The following POLD1 variants were observed in gnomAD, a reference collection of about 807,000 sequenced individuals.
POLD1 encodes the protein DNA polymerase delta 1, catalytic subunit, also known as DNA polymerase delta catalytic subunit.
POLD1 carries 79 observed loss-of-function variants against 129.7 expected under a neutral mutation model. The ratio of observed to expected loss-of-function variants is 0.61; its 90% CI spans 0.51 to 0.73. POLD1 has a LOEUF of 0.73. Among genes scored for constraint, POLD1 ranks in the 30% least tolerant of loss-of-function variants. The pLI, the probability that POLD1 is intolerant of heterozygous loss-of-function variation, is 0.00. For missense variants in POLD1, 1,338 were observed against 1,595.8 expected, an observed-to-expected ratio of 0.84 and a Z score of 2.75; for synonymous variants, 714 against 683.3, an observed-to-expected ratio of 1.04 and a Z score of -0.70.
Position 50,416,594 on chromosome 19 carries a change from GCCT to G in POLD1, c.2954-11_2954-9del, listed in dbSNP as rs1064796089. Reference sequence around the variant, plus strand: ...AGAGGAGATCACCGGCCCACCACCTGCCTCCTCTCCTGCAGGGGGGGACCACAC... The same window carrying G: ...AGAGGAGATCACCGGCCCACCACCTGCCTCTCCTGCAGGGGGGGACCACAC... On this transcript the variant is annotated splice_polypyrimidine_tract_variant and intron_variant, in intron 23 of 26. Coordinates refer to ENST00000440232, the MANE Select transcript of POLD1 (RefSeq NM_002691.4). 6.4e-7 allele frequency: 1 copy of G among 1,551,804 alleles called. No homozygotes were observed. The highest frequency in any genetic ancestry group is 1.4e-5 in the African/African-American group (1 of 73,410).
intron 1 of POLD1, among the ~76,000 whole-genome samples, chr19:50,388,825 C>A (rs1013813729): frequency 1.1e-5 from 1 of 88,896 alleles, no homozygotes; most frequent in Non-Finnish European, 2.0e-5. Context: ...GCAGTTAACT[C>A]TTTTTTTTTT....
intron 14 of POLD1, 79 bp from the exon 15 acceptor site, chr19:50,408,702 TAAAG>T: frequency 6.5e-7 from 1 of 1,543,110 alleles, no homozygotes; most frequent in Admixed American, 2.0e-5. Context: ...TTTTTTTTTT[TAAAG>T]GGTGAGGCCA....
rs1003751940 is a variant in POLD1, at chr19:50,406,143, G to C, written c.1243-39G>C. ...CCGTTCTTCAGGCTTATGTGACGGG[G>C]ACCCGCAGCCTGCTGCACACCCTGC... On this transcript the variant is annotated intron_variant, in intron 10 of 26. Coordinates refer to ENST00000440232, the MANE Select transcript of POLD1 (RefSeq NM_002691.4). This position sits in a 1 kb window ranked among gnomAD's most constrained non-coding sequence, Gnocchi z 5.5. 2 of 1,597,610 alleles carry C rather than the reference G, an allele frequency of 1.3e-6. No homozygotes were observed. The highest frequency in any genetic ancestry group is 2.7e-5 in the African/African-American group (2 of 74,652).
intron 1 of POLD1, among the ~76,000 whole-genome samples, chr19:50,388,338 A>G (rs1185527767): frequency 1.3e-5 from 2 of 152,230 alleles, no homozygotes; most frequent in Non-Finnish European, 2.9e-5. Flanking sequence ...TTATAGCTCA[A>G]TAAAGCAGTT....
In POLD1 at chr19:50,406,971, G is replaced by T. The variant is rs1360896041; in HGVS notation, c.1495-12G>T. 1.9e-6 allele frequency: 3 copies of T among 1,571,328 alleles called. No homozygotes were observed. On this transcript the variant is annotated splice_polypyrimidine_tract_variant and intron_variant, in intron 12 of 26. Coordinates refer to ENST00000440232, the MANE Select transcript of POLD1 (RefSeq NM_002691.4). The surrounding 1 kb of genome is among the most constrained non-coding windows in gnomAD (Gnocchi z 5.5). ...ACCCCTGGTCCCTGACCCCATCCGT[G>T]CCCATCCCCAGAATGGGAACGACCA...
chr19:50,405,315 C>T (rs1399323660), intron 10 of POLD1, among the ~76,000 whole-genome samples: 4 of 152,222 alleles, frequency 2.6e-5, no homozygotes, highest in Non-Finnish European at 4.4e-5. Context: ...AATGAGGTTA[C>T]ATTCTGAGGT....
chr19:50,402,068 G>C lies in POLD1; in HGVS notation c.533G>C (p.Gly178Ala), dbSNP rs2038662890. The change falls in exon 5 of 27, where the codon GGG becomes GCG. Residue 178 changes from glycine to alanine, a missense_variant. Physicochemically the swap from Gly to Ala is moderately conservative, Grantham distance 60. This residue lies in a region of POLD1 where 332 missense variants were observed against 315.7 expected (regional missense o/e 1.05). Transcript: ENST00000440232. ...LNLAISRDSR[G>A]GRELTGPAVL... ...TTGGCCATCAGCCGGGACAGTCGCGGGGGGAGGGAGCTGACTGGGCCGGCC... is the reference window on the plus strand; with the variant it reads ...TTGGCCATCAGCCGGGACAGTCGCGCGGGGAGGGAGCTGACTGGGCCGGCC... The C allele has an allele frequency of 1.2e-6, 2 of 1,614,078 alleles. No homozygotes were observed. Among genetic ancestry groups the C allele is most frequent in the Non-Finnish European group, 1.7e-6 (2 of 1,179,986 alleles).
chr19:50,406,160 A>C lies in POLD1; in HGVS notation c.1243-22A>C, dbSNP rs772669344. ...GTGACGGGGACCCGCAGCCTGCTGC[A>C]CACCCTGCCTCTCCTCCTCAGGTAC... On this transcript the variant is annotated intron_variant, in intron 10 of 26. Coordinates refer to ENST00000440232, the MANE Select transcript of POLD1 (RefSeq NM_002691.4). The surrounding 1 kb of genome is among the most constrained non-coding windows in gnomAD (Gnocchi z 5.5). The C allele has an allele frequency of 7.5e-6, 12 of 1,607,188 alleles. No homozygotes were observed. The East Asian group carries it at 2.5e-4, about 33-fold the overall frequency.
In POLD1 at chr19:50,409,161, C is replaced by T. The variant is rs80214209; in HGVS notation, c.1932C>T (p.Asp644=). ...AGTTCATCAGGACCCCCACCGGGGA[C>T]GAGTTTGTGAAGACCTCAGTGCGGA... The part of the protein sequence containing the change: ...EDQFIRTPTG[D]EFVKTSVRKG... Residue 644 remains aspartate (D), a synonymous_variant, in exon 16 of 27, where the codon GAC becomes GAT. Transcript: ENST00000440232. This position sits in a 1 kb window ranked among gnomAD's most constrained non-coding sequence, Gnocchi z 5.8. 73 of 1,613,636 alleles carry T rather than the reference C, an allele frequency of 4.5e-5. 1 individual carries two copies. The South Asian group carries it at 7.1e-4, about 16-fold the overall frequency.
Position 50,415,059 on chromosome 19 carries a change from G to T in POLD1, c.2564+69G>T, listed in dbSNP as rs890872079. 3 of 1,363,964 alleles carry T rather than the reference G, an allele frequency of 2.2e-6. No homozygotes were observed. In the South Asian group the frequency reaches 4.6e-5, roughly 21 times the overall value. 84.5% of individuals were successfully genotyped at this position (1,363,964 alleles called of 1,614,324 possible). A position where few individuals can be genotyped will look rare whatever the true frequency, so the allele number is the denominator to read the frequency against. ...AACCCCTCCTCCCTCAGACCCAGGA[G>T]TCTAGGCCCCAGCCCCTCCTCCCTC... On this transcript the variant is annotated intron_variant, in intron 20 of 26. Coordinates refer to ENST00000440232, the MANE Select transcript of POLD1 (RefSeq NM_002691.4).
At chr19:50,386,575 T>G (rs1237842273) in intron 1 of POLD1, among the ~76,000 whole-genome samples, 1 of 152,192 alleles carries the variant, frequency 6.6e-6, no homozygotes, top group African/African-American at 2.4e-5. Flanking sequence ...ATAACGAAAG[T>G]GGCACAAGGC....
Position 50,415,473 on chromosome 19 carries a change from T to C in POLD1, c.2600T>C (p.Val867Ala). Residue 867 changes from valine (V) to alanine (A), a missense_variant, in exon 21 of 27, where the codon GTC (valine) becomes GCC (alanine). Around this residue, in one of 3 missense-constraint regions of POLD1, gnomAD observed 720 missense variants for 1,002.6 expected, o/e 0.72. Transcript: ENST00000440232. ...PEGAVAHAQD[V>A]ISDLLCNRID... ...GGCGCGGTGGCTCACGCACAGGACG[T>C]CATCTCGGACCTGCTGTGCAACCGC... 1 of 1,613,112 alleles carries C rather than the reference T, an allele frequency of 6.2e-7. No individual in the cohort carries two copies. The highest frequency in any genetic ancestry group is 1.7e-4 in the Middle Eastern group (1 of 5,836).
At chr19:50,398,720 G>C in intron 1 of POLD1, 131 bp from the exon 2 acceptor site, 2 of 1,425,890 alleles carry the variant, frequency 1.4e-6, no homozygotes, top group Non-Finnish European at 9.3e-7. Flanking sequence ...AGGGTGCAGA[G>C]AGCTATGTTA....
At chr19:50,386,277 A>C (rs989478074) in intron 1 of POLD1, among the ~76,000 whole-genome samples, 2 of 152,090 alleles carry the variant, frequency 1.3e-5, no homozygotes, top group Non-Finnish European at 2.9e-5. Flanking sequence ...AGCTGGGATT[A>C]CAGGTGTGTG....
In POLD1 at chr19:50,402,735, C is replaced by T. The variant is rs750155990; in HGVS notation, c.964C>T (p.Arg322Cys). 34 of 1,591,090 alleles carry T rather than the reference C, an allele frequency of 2.1e-5. No homozygotes were observed. The highest frequency in any genetic ancestry group is 1.4e-4 in the South Asian group (13 of 90,048). Residue 322 changes from arginine (R) to cysteine (C), a missense_variant, in exon 8 of 27, where the codon CGC becomes TGC. Arg to Cys is a radical substitution (Grantham distance 180, BLOSUM62 -3). Coordinates refer to ENST00000440232, the MANE Select transcript of POLD1 (RefSeq NM_002691.4). ...CAGCTTCGATATCGAGTGCGCCGGC[C>T]GCAAAGGTCTGTCCCCGGGCCCGGG... Reference protein sequence around the residue: ...VLSFDIECAGRKGIFPEPERD... With the variant: ...VLSFDIECAGCKGIFPEPERD...
Position 50,417,688 on chromosome 19 carries a change from C to G in POLD1, c.3219-154C>G, listed in dbSNP as rs796281117. 0.053 allele frequency among the ~76,000 whole-genome samples: 7,432 copies of G among 140,958 alleles called. 893 individuals are homozygous for G. Among genetic ancestry groups the G allele is most frequent in the African/African-American group, 0.2 (6,828 of 33,558 alleles). 92.5% of individuals were successfully genotyped at this position (140,958 alleles called of 152,430 possible). ...TTATCGGCTCCCCCCCCCCACCCCC[C>G]CCGTGCCTGCTGAGCAAACAGCCCG... On this transcript the variant is annotated intron_variant, in intron 26 of 26. Coordinates refer to ENST00000440232, the MANE Select transcript of POLD1 (RefSeq NM_002691.4).
chr19:50,414,708 C>A, intron 19 of POLD1, 107 bp from the exon 20 acceptor site: 2 of 927,216 alleles, frequency 2.2e-6, no homozygotes, highest in Non-Finnish European at 3.1e-6. Context: ...GCTCCCATGT[C>A]CTCAAACTGC....
In POLD1 at chr19:50,407,166, T is replaced by C. The variant is rs1489210103; in HGVS notation, c.1678T>C (p.Leu560=). The part of the protein sequence containing the change: ...GQQVKVVSQL[L]RQAMHEGLLM... ...GCAGGTCAAGGTCGTATCCCAGCTGTTGCGGCAGGTCAGTAGCCGAGACTT... is the reference window on the plus strand; with the variant it reads ...GCAGGTCAAGGTCGTATCCCAGCTGCTGCGGCAGGTCAGTAGCCGAGACTT... Residue 560 remains leucine, a synonymous_variant, in exon 13 of 27, where the codon TTG becomes CTG. Transcript: ENST00000440232. The C allele has an allele frequency of 1.2e-6, 2 of 1,603,262 alleles. No individual in the cohort carries two copies. The highest frequency in any genetic ancestry group is 8.5e-7 in the Non-Finnish European group (1 of 1,172,378).
At chr19:50,412,232 G>A (rs116438510) in intron 17 of POLD1, among the ~76,000 whole-genome samples, 15,171 of 152,048 alleles carry the variant, frequency 0.1, 2,480 homozygotes, top group African/African-American at 0.33. Flanking sequence ...GGCTCACTGC[G>A]ACCTCTCCCT....
Sources: gnomAD v4.1 joint callset for allele counts (sites outside exome capture counted in the v4.1 genomes callset) on GRCh38, gnomAD v4.1.1 for gene constraint, gnomAD v4.1.1 regional missense constraint, Gnocchi (gnomAD v3.1) non-coding constraint, MANE v1.5 for transcripts, NCBI Gene and HGNC (gene_info 2026-07-23, HGNC 2026-07-21) for gene names.